Variants in OGDH observed in about 807,000 individuals in gnomAD.
OGDH encodes the protein 2-oxoglutarate dehydrogenase complex component E1.
A neutral mutation model predicts 116.6 loss-of-function variants in OGDH; 38 were observed. The ratio of observed to expected loss-of-function variants is 0.33; its 90% confidence interval spans 0.25 to 0.43. OGDH has a LOEUF of 0.43. OGDH is among the 20% of genes least tolerant of loss of function. The pLI is 1.00. For missense variants in OGDH, 825 were observed against 1,357.2 expected, an observed-to-expected ratio of 0.61 and a Z score of 6.16; for synonymous variants, 488 against 533.3, an observed-to-expected ratio of 0.92 and a Z score of 1.17.
intron 12 of OGDH, among the ~76,000 whole-genome samples, chr7:44,695,339 G>T (rs566541743): frequency 3.4e-4 from 52 of 152,154 alleles, no homozygotes; most frequent in African/African-American, 1.2e-3. Flanking sequence ...CAAGTGATCT[G>T]CCTGTCTTGG....
rs1245185592 is a variant in OGDH at position 44,707,886 on chromosome 7, G to A, written c.2959G>A (p.Gly987Ser). The A allele has an allele frequency of 1.9e-6, 3 of 1,612,932 alleles. No homozygotes were observed. Among genetic ancestry groups the A allele is most frequent in the Non-Finnish European group, 1.7e-6 (2 of 1,179,704 alleles). The change falls in exon 23 of 23, where the codon GGC (glycine) becomes AGC (serine). Residue 987 changes from glycine to serine, a missense_variant. Transcript: ENST00000222673. This position sits in a 1 kb window ranked among gnomAD's most constrained non-coding sequence, Gnocchi z 5.2. Reference protein sequence around the residue: ...ISRAKPVWYAGRDPAAAPATG... With the variant: ...ISRAKPVWYASRDPAAAPATG... Reference sequence around the variant, plus strand: ...CCTCCCTCCATCTCTCAGGTATGCCGGCCGGGACCCAGCGGCTGCTCCAGC... The same window carrying A: ...CCTCCCTCCATCTCTCAGGTATGCCAGCCGGGACCCAGCGGCTGCTCCAGC...
Position 44,672,640 on chromosome 7 carries a change from TTTTG to T in OGDH, c.634-1143_634-1140del, listed in dbSNP as rs1431850940. Among the ~76,000 whole-genome samples the T allele has an allele frequency of 5.4e-4, 80 of 147,700 alleles. 1 individual carries two copies. The highest frequency in any genetic ancestry group is 1.9e-3 in the African/African-American group (76 of 39,100). ...AGCCCGAGAGGGATTTCTTTTTGTT[TTTTG>T]TTTTTTTTTTTTTTTTGAGATGGAG... On this transcript the variant is annotated intron_variant, in intron 5 of 22. Coordinates refer to ENST00000222673, the MANE Select transcript of OGDH (RefSeq NM_002541.4).
In OGDH at chr7:44,707,304, C is replaced by T. The variant is rs1416794110; in HGVS notation, c.2712C>T (p.Cys904=). ...AAAATGTCAAAAGGCTTCTCTTCTG[C>T]ACCGGCAAAGTGTATTATGACCTCA... ...NPENVKRLLF[C]TGKVYYDLTR... The change falls in exon 21 of 23, where the codon TGC becomes TGT. Residue 904 remains cysteine, a synonymous_variant. Transcript: ENST00000222673. The surrounding 1 kb of genome is among the most constrained non-coding windows in gnomAD (Gnocchi z 5.2). The T allele has an allele frequency of 3.1e-6, 5 of 1,614,276 alleles. No individual in the cohort carries two copies. Among genetic ancestry groups the T allele is most frequent in the Non-Finnish European group, 3.4e-6 (4 of 1,180,054 alleles).
intron 5 of OGDH, among the ~76,000 whole-genome samples, chr7:44,671,458 C>T (rs1043648316): frequency 6.6e-6 from 1 of 152,120 alleles, no homozygotes; most frequent in African/African-American, 2.4e-5. Flanking sequence ...GGGGAACAAA[C>T]GGGTTAATAA....
intron 10 of OGDH, among the ~76,000 whole-genome samples, chr7:44,685,094 GT>G (rs1226190299): frequency 3.9e-5 from 6 of 151,960 alleles, no homozygotes. Flanking sequence ...CCTTTTTTCT[GT>G]TTTTTTACTA....
At chr7:44,691,531 CAAAA>C (rs56021103) in intron 10 of OGDH, among the ~76,000 whole-genome samples, 7 of 77,784 alleles carry the variant, frequency 9.0e-5, no homozygotes, top group East Asian at 2.9e-4. Context: ...GACCTTCTCT[CAAAA>C]AAAAAAAAAA....
chr7:44,675,877 CA>C (rs372547546), intron 8 of OGDH, 92 bp from the exon 9 acceptor site: 201,147 of 1,076,582 alleles, frequency 0.19, 216 homozygotes, highest in South Asian at 0.2. Flanking sequence ...AACTCCATCT[CA>C]AAAAAAAAAA....
In OGDH at chr7:44,624,487, C is replaced by G. The variant is rs774167358; in HGVS notation, c.144C>G (p.Pro48=). The change falls in exon 2 of 23, where the codon CCC becomes CCG. Residue 48 remains proline (P), a synonymous_variant. Coordinates refer to ENST00000222673, the MANE Select transcript of OGDH (RefSeq NM_002541.4). ...ATTCTGCACCTGTTGCTGCTGAGCCCTTTCTCAGTGGGACTAGTTCGAACT... is the reference window on the plus strand; with the variant it reads ...ATTCTGCACCTGTTGCTGCTGAGCCGTTTCTCAGTGGGACTAGTTCGAACT... ...RCYSAPVAAE[P]FLSGTSSNYV... 2 of 1,613,810 alleles carry G rather than the reference C, an allele frequency of 1.2e-6. No homozygotes were observed. The highest frequency in any genetic ancestry group is 2.2e-5 in the South Asian group (2 of 91,048).
intron 2 of OGDH, among the ~76,000 whole-genome samples, chr7:44,628,102 A>G (rs1029738394): frequency 1.3e-5 from 2 of 152,226 alleles, no homozygotes; most frequent in African/African-American, 2.4e-5. Context: ...TTAAAAATCT[A>G]TTCCCTACCC....
At chr7:44,703,959 T>C (rs2116415350) in intron 20 of OGDH, among the ~76,000 whole-genome samples, 1 of 152,346 alleles carries the variant, frequency 6.6e-6, no homozygotes, top group South Asian at 2.1e-4. Context: ...CATCTGTCGA[T>C]GGACACTTGG....
intron 1 of OGDH, among the ~76,000 whole-genome samples, chr7:44,614,300 T>C (rs1211706273): frequency 6.6e-6 from 1 of 150,938 alleles, no homozygotes; most frequent in Non-Finnish European, 1.5e-5. Flanking sequence ...TTTGGTTTTT[T>C]TTGTTTTTTT....
chr7:44,692,850 C>A (rs1034290482), intron 10 of OGDH, among the ~76,000 whole-genome samples: 13 of 151,526 alleles, frequency 8.6e-5, no homozygotes, highest in Admixed American at 2.6e-4. Flanking sequence ...GCCCGGGCAA[C>A]ATGGCAAGAC....
intron 14 of OGDH, 32 bp from the exon 15 acceptor site, chr7:44,696,882 T>TGCA: frequency 6.3e-7 from 1 of 1,577,124 alleles, no homozygotes; most frequent in East Asian, 2.3e-5. Flanking sequence ...AGGCAGGGCC[T>TGCA]GCAGCAGCTG....
chr7:44,704,133 A>G (rs1163674745), intron 20 of OGDH, among the ~76,000 whole-genome samples: 1 of 152,162 alleles, frequency 6.6e-6, no homozygotes, highest in African/African-American at 2.4e-5. Context: ...GGAACTGCCA[A>G]ACTTTCCACA....
intron 1 of OGDH, among the ~76,000 whole-genome samples, chr7:44,619,467 G>A (rs551790337): frequency 6.6e-6 from 1 of 152,316 alleles, no homozygotes; most frequent in South Asian, 2.1e-4. Flanking sequence ...TGGTTGTTGT[G>A]TGAGAGCAGA....
chr7:44,614,312 G>T (rs6971483), intron 1 of OGDH, among the ~76,000 whole-genome samples: 65,371 of 139,894 alleles, frequency 0.47, 14,466 homozygotes, highest in East Asian at 0.61. Flanking sequence ...TGTTTTTTTT[G>T]TTTGTTTGTT....
At chr7:44,621,180 C>G (rs1277060853) in intron 1 of OGDH, among the ~76,000 whole-genome samples, 4 of 152,262 alleles carry the variant, frequency 2.6e-5, no homozygotes, top group African/African-American at 9.6e-5. Flanking sequence ...CTCAGGCTAT[C>G]CTTCCACCTC....
intron 4 of OGDH, among the ~76,000 whole-genome samples, chr7:44,648,740 T>C (rs1415781854): frequency 6.6e-6 from 1 of 152,210 alleles, no homozygotes; most frequent in Non-Finnish European, 1.5e-5. Context: ...TCAAACATCA[T>C]TGACTTTGGA....
At chr7:44,693,081 G>A (rs544678475) in intron 10 of OGDH, among the ~76,000 whole-genome samples, 1 of 152,254 alleles carries the variant, frequency 6.6e-6, no homozygotes. Flanking sequence ...GGCTGAGGCA[G>A]GTGGATCACA....
Sources: gnomAD v4.1 joint callset for allele counts (sites outside exome capture counted in the v4.1 genomes callset) on GRCh38, gnomAD v4.1.1 for gene constraint, Gnocchi (gnomAD v3.1) non-coding constraint, MANE v1.5 for transcripts, NCBI Gene and HGNC (gene_info 2026-07-23, HGNC 2026-07-21) for gene names.